GRIK2: variants seen among roughly 807,000 people sequenced by gnomAD.
GRIK2 encodes glutamate receptor ionotropic, kainate 2.
In GRIK2, 32 loss-of-function variants were observed where a neutral mutation model predicts 100.3. The observed-to-expected ratio is 0.32, with a 90% confidence interval of 0.24 to 0.43. The LOEUF (loss-of-function observed/expected upper bound fraction) is 0.43, where lower values mean the gene tolerates loss of function less well. Among genes scored for constraint, GRIK2 ranks in the 20% least tolerant of loss-of-function variants. GRIK2 has a pLI of 1.00. For synonymous variants in GRIK2, 417 were observed against 389.4 expected (o/e 1.07, Z -0.83); for missense variants, 843 against 1,114.9 (o/e 0.76, Z 3.47).
Position 101,934,554 on chromosome 6 carries a change from T to G in GRIK2, c.2085+5922T>G, listed in dbSNP as rs185165737. Among the ~76,000 whole-genome samples, 171 of 152,054 alleles carry G rather than the reference T, an allele frequency of 1.1e-3. 4 individuals are homozygous for G. Among genetic ancestry groups the G allele is most frequent in the Middle Eastern group, 6.8e-3 (2 of 294 alleles). On this transcript the variant is annotated intron_variant, in intron 14 of 16. Coordinates refer to ENST00000369134, the MANE Select transcript of GRIK2 (RefSeq NM_021956.5). ...AGAGCTTGAGTGATTTTGCTTTCAG[T>G]ATACTACAAGAATGTAAGTAACTTT...
At chr6:101,892,194 A>C (rs1217631490) in intron 12 of GRIK2, among the ~76,000 whole-genome samples, 1 of 152,156 alleles carries the variant, frequency 6.6e-6, no homozygotes, top group African/African-American at 2.4e-5. Flanking sequence ...ACTTTTCTGG[A>C]GGTCTTAGAC....
intron 7 of GRIK2, among the ~76,000 whole-genome samples, chr6:101,742,753 A>T (rs944229908): frequency 1.1e-4 from 16 of 152,212 alleles, no homozygotes; most frequent in African/African-American, 2.7e-4. Flanking sequence ...TTTACCATGC[A>T]GATGAAGCTT....
intron 14 of GRIK2, among the ~76,000 whole-genome samples, chr6:102,032,959 G>C (rs1770075750): frequency 6.6e-6 from 1 of 151,194 alleles, no homozygotes; most frequent in Non-Finnish European, 1.5e-5. Context: ...TATTTAGATA[G>C]AGTTGGTGTA....
chr6:101,793,919 C>T (rs543755564), intron 7 of GRIK2, among the ~76,000 whole-genome samples: 6 of 152,272 alleles, frequency 3.9e-5, no homozygotes, highest in South Asian at 2.1e-4. Flanking sequence ...CAATGGTGGG[C>T]GCCCCTCTCC....
chr6:101,795,255 G>A (rs112874375), intron 7 of GRIK2, among the ~76,000 whole-genome samples: 3,045 of 152,152 alleles, frequency 0.02, 104 homozygotes, highest in African/African-American at 0.07. Flanking sequence ...GGGCACTTTC[G>A]CTTTGATTAT....
At chr6:101,620,910 G>T (rs1386925548) in intron 2 of GRIK2, among the ~76,000 whole-genome samples, 1 of 152,154 alleles carries the variant, frequency 6.6e-6, no homozygotes, top group Non-Finnish European at 1.5e-5. Context: ...TGTGACAAGA[G>T]TGAGGGAACT....
intron 10 of GRIK2, among the ~76,000 whole-genome samples, chr6:101,851,652 A>C (rs1784132664): frequency 1.3e-5 from 2 of 151,972 alleles, no homozygotes; most frequent in African/African-American, 4.8e-5. Flanking sequence ...TGTCAGGTAG[A>C]AAATGAATTT....
intron 10 of GRIK2, among the ~76,000 whole-genome samples, chr6:101,852,613 A>T (rs954728143): frequency 6.6e-6 from 1 of 152,294 alleles, no homozygotes; most frequent in South Asian, 2.1e-4. Context: ...TAAATCGCTC[A>T]AGTCTAGTTC....
intron 11 of GRIK2, among the ~76,000 whole-genome samples, chr6:101,864,093 C>A (rs972905818): frequency 6.7e-6 from 1 of 148,416 alleles, no homozygotes; most frequent in Non-Finnish European, 1.5e-5. Context: ...GCCGAGATTG[C>A]GCCACTGCAG....
chr6:101,970,482 C>T (rs967835590), intron 14 of GRIK2, among the ~76,000 whole-genome samples: 2 of 151,972 alleles, frequency 1.3e-5, no homozygotes, highest in Non-Finnish European at 2.9e-5. Context: ...GTTTGGCTGT[C>T]GTATTTATAC....
At chr6:101,956,184 A>G (rs1010740910) in intron 14 of GRIK2, among the ~76,000 whole-genome samples, 2 of 151,940 alleles carry the variant, frequency 1.3e-5, no homozygotes, top group African/African-American at 2.4e-5. Context: ...CCATAAATCT[A>G]TTTCTTTCTG....
intron 7 of GRIK2, among the ~76,000 whole-genome samples, chr6:101,707,594 G>GTGTATATATATATA (rs1491149804): frequency 9.4e-6 from 1 of 106,126 alleles, no homozygotes; most frequent in Non-Finnish European, 1.9e-5. Flanking sequence ...GTGTGTGTGT[G>GTGTATATATATATA]TATATATGTG....
chr6:101,448,150 G>A (rs1770479914), intron 2 of GRIK2, among the ~76,000 whole-genome samples: 1 of 151,554 alleles, frequency 6.6e-6, no homozygotes, highest in Admixed American at 6.6e-5. Flanking sequence ...ATATTTTGTT[G>A]TTTTTATGTT....
intron 14 of GRIK2, among the ~76,000 whole-genome samples, chr6:101,982,266 C>A (rs1056461020): frequency 2.6e-5 from 4 of 151,880 alleles, no homozygotes; most frequent in African/African-American, 7.2e-5. Flanking sequence ...ATTTTCATGT[C>A]TGTCTCCCAT....
chr6:101,619,281 C>T (rs914857940), intron 2 of GRIK2, among the ~76,000 whole-genome samples: 5 of 151,176 alleles, frequency 3.3e-5, no homozygotes, highest in African/African-American at 1.2e-4. Flanking sequence ...GTTTTTATTA[C>T]AAAATTTTAA....
chr6:102,059,843 T>C (rs936937222), intron 16 of GRIK2, among the ~76,000 whole-genome samples: 5 of 150,612 alleles, frequency 3.3e-5, no homozygotes, highest in Admixed American at 1.3e-4. Flanking sequence ...AGAATATTTT[T>C]CCCATGTATT....
intron 15 of GRIK2, among the ~76,000 whole-genome samples, chr6:102,047,204 A>T (rs999289363): frequency 6.6e-6 from 1 of 152,090 alleles, no homozygotes; most frequent in East Asian, 1.9e-4. Context: ...AATAATAAAG[A>T]TCAGAACAGA....
intron 14 of GRIK2, among the ~76,000 whole-genome samples, chr6:101,958,766 TGAATC>T: frequency 6.6e-6 from 1 of 152,252 alleles, no homozygotes; most frequent in East Asian, 1.9e-4. Context: ...TTATTTTTTC[TGAATC>T]TATTGAGATG....
chr6:101,983,281 A>G (rs1471269972), intron 14 of GRIK2, among the ~76,000 whole-genome samples: 4 of 151,816 alleles, frequency 2.6e-5, no homozygotes, highest in Non-Finnish European at 4.4e-5. Flanking sequence ...CCAGAGCAAA[A>G]TGAAGTTAGT....
Sources: gnomAD v4.1 joint callset for allele counts (sites outside exome capture counted in the v4.1 genomes callset) on GRCh38, gnomAD v4.1.1 for gene constraint, MANE v1.5 for transcripts, NCBI Gene and HGNC (gene_info 2026-07-23, HGNC 2026-07-21) for gene names.